STK33: variants seen among roughly 807,000 people sequenced by gnomAD.
STK33 encodes serine/threonine-protein kinase 33.
Under a neutral mutation model 58.0 loss-of-function variants are expected in STK33, and 52 were observed. The observed-to-expected ratio is 0.90, with a 90% CI of 0.72 to 1.13. STK33 has a LOEUF of 1.13. Ranked by LOEUF, STK33 falls within the 50% of genes most tolerant of loss-of-function variation. The pLI is 0.00. For missense variants in STK33, 630 were observed against 604.2 expected (o/e 1.04, Z -0.45); for synonymous variants, 215 against 200.1 (o/e 1.07, Z -0.63).
At chr11:8,572,488 C>CA (rs1221123153) in intron 1 of STK33, among the ~76,000 whole-genome samples, 4 of 152,020 alleles carry the variant, frequency 2.6e-5, no homozygotes, top group African/African-American at 9.7e-5. Flanking sequence ...AGAAATGATA[C>CA]AACTAGCAGA....
At chr11:8,495,299 C>T (rs1291065207) in intron 1 of STK33, among the ~76,000 whole-genome samples, 1 of 152,124 alleles carries the variant, frequency 6.6e-6, no homozygotes, top group Non-Finnish European at 1.5e-5. Flanking sequence ...TATGAACAGA[C>T]ACTTCTCAAA....
At chr11:8,454,596 CTCTTG>C in intron 10 of STK33, 143 bp downstream of exon 10, 1 of 910,742 alleles carries the variant, frequency 1.1e-6, no homozygotes, top group South Asian at 2.0e-5. Flanking sequence ...CAGTTACAAC[CTCTTG>C]TGAAATTTTT....
intron 1 of STK33, among the ~76,000 whole-genome samples, chr11:8,581,823 T>C (rs1450174514): frequency 3.3e-5 from 5 of 152,368 alleles, no homozygotes; most frequent in African/African-American, 1.2e-4. Flanking sequence ...TTTAATGCTT[T>C]ATTTTAAAAT....
chr11:8,467,913 C>A (rs1026875739), intron 6 of STK33, among the ~76,000 whole-genome samples: 9 of 151,846 alleles, frequency 5.9e-5, no homozygotes, highest in Admixed American at 5.2e-4. Context: ...CCACTGCACT[C>A]TAGCCTGGTG....
the STK33 span, among the ~76,000 whole-genome samples, chr11:8,362,187 C>T: frequency 1.3e-5 from 2 of 152,172 alleles, no homozygotes; most frequent in South Asian, 2.1e-4. Flanking sequence ...GGTCACATAT[C>T]GGCAACCGAG....
At chr11:8,493,976 C>A (rs1448997339) in intron 1 of STK33, among the ~76,000 whole-genome samples, 1 of 152,150 alleles carries the variant, frequency 6.6e-6, no homozygotes, top group Non-Finnish European at 1.5e-5. Context: ...TTATGACAAA[C>A]CCACAGCCAC....
chr11:8,573,194 T>C (rs1428837287), intron 1 of STK33, among the ~76,000 whole-genome samples: 2 of 152,186 alleles, frequency 1.3e-5, no homozygotes, highest in African/African-American at 2.4e-5. Context: ...GCAAATCACA[T>C]ATCTGACAAA....
At chr11:8,526,537 G>A (rs1309406972) in intron 1 of STK33, among the ~76,000 whole-genome samples, 12 of 152,072 alleles carry the variant, frequency 7.9e-5, no homozygotes, top group Non-Finnish European at 1.5e-4. Context: ...GTCTGCAGAT[G>A]TGCTCCAAAA....
intron 1 of STK33, among the ~76,000 whole-genome samples, chr11:8,572,388 G>A (rs1428048040): frequency 3.9e-5 from 6 of 152,032 alleles, no homozygotes; most frequent in Non-Finnish European, 7.4e-5. Context: ...AGAACAAAGC[G>A]AACACTATTT....
intron 1 of STK33, among the ~76,000 whole-genome samples, chr11:8,530,552 T>C (rs906580111): frequency 1.2e-4 from 18 of 151,466 alleles, no homozygotes; most frequent in Admixed American, 6.6e-4. Flanking sequence ...AATGCTGTGA[T>C]AAAAAGAATA....
chr11:8,369,122 G>A, the STK33 span, among the ~76,000 whole-genome samples: 3 of 152,192 alleles, frequency 2.0e-5, no homozygotes, highest in African/African-American at 7.2e-5. Flanking sequence ...TTACTAAAGT[G>A]TATTTATAAT....
At chr11:8,478,816 A>C (rs1223597375) in intron 2 of STK33, among the ~76,000 whole-genome samples, 1 of 152,004 alleles carries the variant, frequency 6.6e-6, no homozygotes, top group African/African-American at 2.4e-5. Flanking sequence ...TGCTTTAGTA[A>C]CATGTTTACA....
rs969273111 is a variant in STK33, at chr11:8,587,606, A to G, written c.-466+6477T>C. Among the ~76,000 whole-genome samples the G allele has an allele frequency of 2.8e-3, 400 of 145,394 alleles. 4 individuals are homozygous for G. The highest frequency in any genetic ancestry group is 3.9e-3 in the Non-Finnish European group (259 of 65,708). On this transcript the variant is annotated intron_variant, in intron 1 of 15. Coordinates refer to ENST00000687296, the MANE Select transcript of STK33 (RefSeq NM_001352389.2). ...GGAAGGTAAAAAAAAAAAAAAAAAA[A>G]GATGAAAAGTTCTTTCTTCCCTTGA... is the stretch of plus-strand genomic sequence containing the variant.
At chr11:8,514,837 C>T (rs1952634670) in intron 1 of STK33, among the ~76,000 whole-genome samples, 1 of 152,106 alleles carries the variant, frequency 6.6e-6, no homozygotes, top group Non-Finnish European at 1.5e-5. Context: ...GACAAGCAAA[C>T]ATGAATAAAA....
At chr11:8,409,477 AG>A (rs1316718382) in intron 15 of STK33, among the ~76,000 whole-genome samples, 2 of 152,214 alleles carry the variant, frequency 1.3e-5, no homozygotes, top group African/African-American at 4.8e-5. Context: ...AGCCTTCAAC[AG>A]TTCTACCAGG....
chr11:8,446,646 G>C (rs191251105), intron 11 of STK33, among the ~76,000 whole-genome samples: 45 of 152,126 alleles, frequency 3.0e-4, no homozygotes, highest in African/African-American at 9.6e-4. Context: ...CAGAACAGAG[G>C]CCTCAGAAAT....
At chr11:8,461,711 G>A in intron 8 of STK33, 94 bp downstream of exon 8, 1 of 943,218 alleles carries the variant, frequency 1.1e-6, no homozygotes, top group Non-Finnish European at 1.5e-6. Context: ...AAGGACATGA[G>A]CAACTGTGCC....
intron 15 of STK33, among the ~76,000 whole-genome samples, chr11:8,406,091 C>G (rs755298130): frequency 1.4e-5 from 2 of 139,054 alleles, no homozygotes; most frequent in Non-Finnish European, 3.0e-5. Context: ...TGCAGTGAGC[C>G]GAGATCGCGC....
chr11:8,455,810 CAAA>C (rs1156835375), intron 9 of STK33, among the ~76,000 whole-genome samples: 5 of 47,118 alleles, frequency 1.1e-4, no homozygotes, highest in Admixed American at 2.9e-4. Flanking sequence ...GACTCTGTCT[CAAA>C]AAAAAAAAAA....
Sources: allele counts gnomAD v4.1 joint callset (sites outside exome capture counted in the v4.1 genomes callset), GRCh38; gene constraint gnomAD v4.1.1; transcripts MANE v1.5; gene names NCBI Gene and HGNC (gene_info 2026-07-23, HGNC 2026-07-21).